The following FNDC1 variants were observed in gnomAD, a reference collection of about 807,000 sequenced individuals.
The protein encoded by FNDC1 is fibronectin type III domain-containing protein 1.
Under a neutral mutation model 168.0 loss-of-function variants are expected in FNDC1, and 96 were observed. The observed-to-expected ratio is 0.57, with a 90% CI of 0.48 to 0.68. The LOEUF (loss-of-function observed/expected upper bound fraction) is 0.68, where lower values mean the gene tolerates loss of function less well. Ranked by LOEUF, FNDC1 falls within the 30% of genes least tolerant of loss-of-function variation. FNDC1 has a pLI of 0.00. For synonymous variants in FNDC1, 1,099 were observed against 1,025.9 expected, an observed-to-expected ratio of 1.07 and a Z score of -1.36; for missense variants, 2,587 against 2,482.1, an observed-to-expected ratio of 1.04 and a Z score of -0.90.
chr6:159,169,695 G>T lies in FNDC1; in HGVS notation c.99G>T (p.Ala33=). 8.6e-7 allele frequency: 1 copy of T among 1,158,320 alleles called. No homozygotes were observed. The highest frequency in any genetic ancestry group is 1.1e-6 in the Non-Finnish European group (1 of 940,236). The allele number at this position is 1,158,320 out of a possible 1,614,324, so 71.8% of individuals were successfully genotyped here. ...LAALLPVASS[A]AASVDHPLKP... The stretch of plus-strand genomic sequence containing the variant: ...CGCTGCTCCCCGTCGCCTCCTCGGC[G>T]GCGGCCTCAGGTACGCGCCGCGCCC... Residue 33 remains alanine, a synonymous_variant, in exon 1 of 23, where the codon GCG becomes GCT. Coordinates refer to ENST00000297267, the MANE Select transcript of FNDC1 (RefSeq NM_032532.3). This position sits in a 1 kb window ranked among gnomAD's most constrained non-coding sequence, Gnocchi z 6.8.
intron 16 of FNDC1, among the ~76,000 whole-genome samples, chr6:159,249,787 C>T (rs185141615): frequency 3.8e-4 from 58 of 152,312 alleles, no homozygotes; most frequent in Admixed American, 8.5e-4. Flanking sequence ...CCTTAATGAA[C>T]CTCATTAATG....
intron 9 of FNDC1, among the ~76,000 whole-genome samples, chr6:159,228,725 G>T (rs1783011045): frequency 6.6e-6 from 1 of 151,964 alleles, no homozygotes; most frequent in African/African-American, 2.4e-5. Context: ...TGCCCAGGCT[G>T]GAGTGCAGTG....
chr6:159,242,279 C>G (rs763894337), intron 14 of FNDC1, among the ~76,000 whole-genome samples: 2 of 152,120 alleles, frequency 1.3e-5, no homozygotes, highest in African/African-American at 2.4e-5. Context: ...GGGAGCTGAA[C>G]AATGAGAACA....
Position 159,269,401 on chromosome 6 carries a change from C to CTATG in FNDC1, c.5569+1498_5569+1501dup, listed in dbSNP as rs143420843. Among the ~76,000 whole-genome samples the CTATG allele has an allele frequency of 5.4e-4, 19 of 35,398 alleles. 4 individuals carry two copies. In the South Asian group the frequency reaches 0.018, roughly 34 times the overall value. 23.2% of individuals were successfully genotyped at this position (35,398 alleles called of 152,430 possible). ...CCCATCCATATATCTATCCATCTGT[C>CTATG]TATGTATGTATGTATGTATGTATGT... On this transcript the variant is annotated intron_variant, in intron 22 of 22. Transcript: ENST00000297267.
chr6:159,232,542 C>G lies in FNDC1; in HGVS notation c.2030C>G (p.Pro677Arg), dbSNP rs777678899. 2.5e-6 allele frequency: 4 copies of G among 1,612,360 alleles called. No homozygotes were observed. Among genetic ancestry groups the G allele is most frequent in the Non-Finnish European group, 3.4e-6 (4 of 1,179,292 alleles). ...RPALSPSRQS[P>R]SSVLRDRSSV... ...GCCCTGTCCCCCAGCCGCCAGTCCC[C>G]GTCCAGCGTTCTCCGCGACAGAAGC... is the stretch of plus-strand genomic sequence containing the variant. Residue 677 changes from proline (P) to arginine (R), a missense_variant, in exon 11 of 23, where the codon CCG (proline) becomes CGG (arginine). Physicochemically the swap from Pro to Arg is moderately radical, Grantham distance 103 (BLOSUM62 -2). Coordinates refer to ENST00000297267, the MANE Select transcript of FNDC1 (RefSeq NM_032532.3). The surrounding 1 kb of genome is among the most constrained non-coding windows in gnomAD (Gnocchi z 4.9).
rs758308511 is a variant in FNDC1 at position 159,233,415 on chromosome 6, A to G, written c.2903A>G (p.Gln968Arg). The change falls in exon 11 of 23, where the codon CAG (glutamine) becomes CGG (arginine). Residue 968 changes from glutamine (Q) to arginine (R), a missense_variant. Transcript: ENST00000297267. This position sits in a 1 kb window ranked among gnomAD's most constrained non-coding sequence, Gnocchi z 4.6. The part of the protein sequence containing the change: ...ADTEGHSPKA[Q>R]PGSTDRHASP... ...ACGGAGGGTCATTCTCCCAAAGCACAGCCAGGGTCCACAGACCGCCACGCG... is the reference window on the plus strand; with the variant it reads ...ACGGAGGGTCATTCTCCCAAAGCACGGCCAGGGTCCACAGACCGCCACGCG... 5.0e-6 allele frequency: 8 copies of G among 1,612,832 alleles called. No individual in the cohort carries two copies. Among genetic ancestry groups the G allele is most frequent in the Non-Finnish European group, 6.8e-6 (8 of 1,179,720 alleles).
chr6:159,271,495 C>A lies in FNDC1; in HGVS notation c.*53C>A. 7.3e-7 allele frequency: 1 copy of A among 1,374,044 alleles called. No homozygotes were observed. Among genetic ancestry groups the A allele is most frequent in the South Asian group, 1.2e-5 (1 of 80,960 alleles). 85.1% of individuals were successfully genotyped at this position (1,374,044 alleles called of 1,614,324 possible). A position where few individuals can be genotyped will look rare whatever the true frequency, so the allele number is the denominator to read the frequency against. On this transcript the variant is annotated 3_prime_UTR_variant, in exon 23 of 23. Transcript: ENST00000297267. Reference sequence around the variant, plus strand: ...CCCTGCCCAGCCCCACCAACTAAGTCGCACTAGGGGCTGTGAGCAAAGACA... The same window carrying A: ...CCCTGCCCAGCCCCACCAACTAAGTAGCACTAGGGGCTGTGAGCAAAGACA...
chr6:159,236,340 C>T (rs959967938), intron 12 of FNDC1, 25 bp downstream of exon 12: 17 of 1,509,764 alleles, frequency 1.1e-5, no homozygotes, highest in Non-Finnish European at 1.4e-5. Flanking sequence ...TTTACACATC[C>T]CCGTTGTTTT....
At position 159,271,342 on chromosome 6, in the gene FNDC1, ATCG is replaced by A. The variant is rs868293143; in HGVS notation, c.5588_5590del (p.Arg1863del). The A allele has an allele frequency of 5.6e-6, 9 of 1,609,888 alleles. No individual in the cohort carries two copies. Among genetic ancestry groups the A allele is most frequent in the Non-Finnish European group, 6.8e-6 (8 of 1,178,176 alleles). On this transcript the variant is annotated inframe_deletion, in exon 23 of 23. Coordinates refer to ENST00000297267, the MANE Select transcript of FNDC1 (RefSeq NM_032532.3). Reference sequence around the variant, plus strand: ...GCCCTTCCAGGCTACTATCGCCAGTATCGTCAGGAGCCTGTCAGGTTTGGGAAC... The same window carrying A: ...GCCCTTCCAGGCTACTATCGCCAGTATCAGGAGCCTGTCAGGTTTGGGAAC...
chr6:159,233,440 G>A lies in FNDC1; in HGVS notation c.2928G>A (p.Ala976=). 4 of 1,609,902 alleles carry A rather than the reference G, an allele frequency of 2.5e-6. No homozygotes were observed. The highest frequency in any genetic ancestry group is 3.4e-6 in the Non-Finnish European group (4 of 1,179,004). ...AGCCAGGGTCCACAGACCGCCACGC[G>A]TCCCCTGCTCGTCCGCCCGCAGCAC... ...KAQPGSTDRH[A]SPARPPAARS... Residue 976 remains alanine, a synonymous_variant, in exon 11 of 23, where the codon GCG becomes GCA. Coordinates refer to ENST00000297267, the MANE Select transcript of FNDC1 (RefSeq NM_032532.3). The surrounding 1 kb of genome is among the most constrained non-coding windows in gnomAD (Gnocchi z 4.6).
chr6:159,181,264 C>T (rs1181989777), intron 1 of FNDC1, among the ~76,000 whole-genome samples: 1 of 152,160 alleles, frequency 6.6e-6, no homozygotes, highest in Non-Finnish European at 1.5e-5. Flanking sequence ...CAAAAGAGTT[C>T]ATCAGCTTCT....
intron 1 of FNDC1, among the ~76,000 whole-genome samples, chr6:159,178,974 A>G (rs979876710): frequency 2.0e-5 from 3 of 152,152 alleles, no homozygotes; most frequent in African/African-American, 4.8e-5. Flanking sequence ...TGACTCCCTC[A>G]GATACAAACC....
In FNDC1 at chr6:159,267,919, T is replaced by C. The variant is rs756997484; in HGVS notation, c.5562T>C (p.Thr1854=). 1.2e-6 allele frequency: 2 copies of C among 1,608,656 alleles called. No homozygotes were observed. The highest frequency in any genetic ancestry group is 2.7e-5 in the African/African-American group (2 of 74,862). ...GPQSYVEALP[T]IQGYYRQYRQ... ...AGTCCTATGTAGAAGCCCTCCCTACTATTCAAGGTAATACAAACAAATGCC... is the reference window on the plus strand; with the variant it reads ...AGTCCTATGTAGAAGCCCTCCCTACCATTCAAGGTAATACAAACAAATGCC... The change falls in exon 22 of 23, where the codon ACT becomes ACC. Residue 1854 remains threonine, a synonymous_variant. Transcript: ENST00000297267.
chr6:159,180,552 G>A (rs1781857341), intron 1 of FNDC1, among the ~76,000 whole-genome samples: 2 of 152,046 alleles, frequency 1.3e-5, no homozygotes, highest in South Asian at 2.1e-4. Flanking sequence ...TGCCATGGTG[G>A]TTTGCAGCAC....
intron 17 of FNDC1, among the ~76,000 whole-genome samples, chr6:159,256,067 G>A (rs1015349806): frequency 2.6e-5 from 4 of 152,178 alleles, no homozygotes; most frequent in African/African-American, 9.7e-5. Flanking sequence ...GGACCCCTGG[G>A]CGTGTGGGGT....
rs3814444 is a variant in FNDC1, at chr6:159,251,277, A to G, written c.4835-25A>G. The G allele has an allele frequency of 8.9e-4, 1,406 of 1,577,936 alleles. 26 individuals are homozygous for G. The East Asian group carries it at 0.024, about 27-fold the overall frequency. The stretch of plus-strand genomic sequence containing the variant: ...TCCAGAAAAAGCCTCCAGCAATCCA[A>G]TTGGTTATCTCTGTTCTTTTCCAGC... On this transcript the variant is annotated intron_variant, in intron 16 of 22. Transcript: ENST00000297267.
rs1427906384 is a variant in FNDC1, at chr6:159,233,917, C to T, written c.3405C>T (p.Pro1135=). The change falls in exon 11 of 23, where the codon CCC becomes CCT. Residue 1135 remains proline (P), a synonymous_variant. Coordinates refer to ENST00000297267, the MANE Select transcript of FNDC1 (RefSeq NM_032532.3). The surrounding 1 kb of genome is among the most constrained non-coding windows in gnomAD (Gnocchi z 4.6). ...CCCAGCGCGGACATGCGGCCTCCCC[C>T]GCCAGGCCCAGCCGACCCGGCGGCC... The part of the protein sequence containing the change: ...HRSQRGHAAS[P]ARPSRPGGPQ... The T allele has an allele frequency of 5.2e-6, 8 of 1,549,052 alleles. 1 individual carries two copies. Among genetic ancestry groups the T allele is most frequent in the South Asian group, 4.8e-5 (4 of 84,068 alleles).
intron 4 of FNDC1, among the ~76,000 whole-genome samples, chr6:159,206,850 G>T (rs1270737466): frequency 6.6e-6 from 1 of 152,152 alleles, no homozygotes; most frequent in South Asian, 2.1e-4. Context: ...GGGGTGGCCT[G>T]CCCACTACTC....
chr6:159,246,936 C>T lies in FNDC1; in HGVS notation c.4657C>T (p.Pro1553Ser), dbSNP rs369115173. 8 of 1,612,906 alleles carry T rather than the reference C, an allele frequency of 5.0e-6. No individual in the cohort carries two copies. In the African/African-American group the frequency reaches 9.3e-5, roughly 19 times the overall value. The change falls in exon 15 of 23, where the codon CCT becomes TCT. Residue 1553 changes from proline to serine, a missense_variant. Physicochemically the swap from Pro to Ser is moderately conservative, Grantham distance 74 (BLOSUM62 -1). Transcript: ENST00000297267. The part of the protein sequence containing the change: ...FSGLETDTAV[P>S]TEEAYVIYDE... ...AGGCTTGGAGACTGACACTGCAGTA[C>T]CTACGGAAGAGGCCTACGTTATATA...
Sources: gnomAD v4.1 joint callset for allele counts (sites outside exome capture counted in the v4.1 genomes callset) on GRCh38, gnomAD v4.1.1 for gene constraint, Gnocchi (gnomAD v3.1) non-coding constraint, MANE v1.5 for transcripts, NCBI Gene and HGNC (gene_info 2026-07-23, HGNC 2026-07-21) for gene names.